The following ARHGAP6 variants were observed in gnomAD, a reference collection of about 807,000 sequenced individuals.
The protein encoded by ARHGAP6 is Rho GTPase activating protein 6, also known as rho GTPase-activating protein 6.
A neutral mutation model predicts 55.7 loss-of-function variants in ARHGAP6; 16 were observed. The ratio of observed to expected loss-of-function variants is 0.29; its 90% CI spans 0.19 to 0.44. ARHGAP6 has a LOEUF of 0.44. Ranked by LOEUF, ARHGAP6 falls within the 20% of genes least tolerant of loss-of-function variation. The pLI is 1.00. For missense variants in ARHGAP6, 698 were observed against 808.9 expected (o/e 0.86, Z 1.66); for synonymous variants, 382 against 360.9 (o/e 1.06, Z -0.66).
intron 1 of ARHGAP6, among the ~76,000 whole-genome samples, chrX:11,300,342 T>G: frequency 9.0e-6 from 1 of 111,529 alleles, no homozygotes; most frequent in Non-Finnish European, 1.9e-5. Flanking sequence ...GAGCCTGACA[T>G]GCAAGACGTA....
intron 1 of ARHGAP6, among the ~76,000 whole-genome samples, chrX:11,359,526 T>C (rs1261446081): frequency 1.8e-5 from 2 of 112,149 alleles, no homozygotes; most frequent in Admixed American, 9.5e-5. Flanking sequence ...GCTAAAAATG[T>C]GTATCAGTAC....
At chrX:11,289,092 A>AC (rs771588109) in intron 1 of ARHGAP6, among the ~76,000 whole-genome samples, 1 of 112,308 alleles carries the variant, frequency 8.9e-6, no homozygotes, top group Non-Finnish European at 1.9e-5. Flanking sequence ...AAATTGTTCC[A>AC]CCTGATATTT....
intron 1 of ARHGAP6, among the ~76,000 whole-genome samples, chrX:11,426,264 G>A (rs1273207224): frequency 1.8e-5 from 2 of 111,390 alleles, no homozygotes; most frequent in East Asian, 5.6e-4. Context: ...ATTAATCCAG[G>A]AGCCCCGAGG....
chrX:11,375,441 T>C (rs2049189828), intron 1 of ARHGAP6, among the ~76,000 whole-genome samples: 1 of 112,485 alleles, frequency 8.9e-6, no homozygotes, highest in African/African-American at 3.2e-5. Flanking sequence ...CAAAAAGAAC[T>C]TCATCTATCC....
intron 1 of ARHGAP6, among the ~76,000 whole-genome samples, chrX:11,261,459 G>C (rs2088845188): frequency 1.8e-5 from 2 of 111,641 alleles, no homozygotes; most frequent in African/African-American, 6.5e-5. Context: ...GCATGGTCCA[G>C]ACCAGCATTT....
chrX:11,302,496 T>C (rs1202114153), intron 1 of ARHGAP6, among the ~76,000 whole-genome samples: 1 of 111,520 alleles, frequency 9.0e-6, no homozygotes, highest in African/African-American at 3.3e-5. Flanking sequence ...CTAAAATGGT[T>C]TCCCCTCTAG....
intron 1 of ARHGAP6, among the ~76,000 whole-genome samples, chrX:11,496,682 A>T (rs775877422): frequency 8.9e-6 from 1 of 112,371 alleles, no homozygotes; most frequent in Non-Finnish European, 1.9e-5. Context: ...GTTGGACCCA[A>T]GTCTTCATTT....
At chrX:11,630,484 G>C (rs1055100964) in intron 1 of ARHGAP6, among the ~76,000 whole-genome samples, 2 of 112,042 alleles carry the variant, frequency 1.8e-5, no homozygotes, top group African/African-American at 6.5e-5. Flanking sequence ...AGTTCTGTCA[G>C]GTCAAAAAGA....
intron 1 of ARHGAP6, among the ~76,000 whole-genome samples, chrX:11,290,648 AAAG>A (rs1447579576): frequency 1.8e-5 from 2 of 111,672 alleles, no homozygotes; most frequent in African/African-American, 3.3e-5. Context: ...GGATGCTTTA[AAAG>A]AAGGCTCAAG....
At chrX:11,246,710 T>C (rs968190212) in intron 2 of ARHGAP6, among the ~76,000 whole-genome samples, 9 of 111,950 alleles carry the variant, frequency 8.0e-5, no homozygotes, top group East Asian at 5.6e-4. Context: ...GAGACCTTTG[T>C]TGAGGGCCTC....
intron 1 of ARHGAP6, among the ~76,000 whole-genome samples, chrX:11,345,898 T>C (rs1027624930): frequency 9.0e-6 from 1 of 111,404 alleles, no homozygotes; most frequent in Non-Finnish European, 1.9e-5. Flanking sequence ...TTCTCTCTAA[T>C]AGAACCAATA....
intron 8 of ARHGAP6, among the ~76,000 whole-genome samples, chrX:11,177,327 G>C (rs1165949663): frequency 1.1e-5 from 1 of 92,485 alleles, no homozygotes; most frequent in East Asian, 4.2e-4. Context: ...ATATATGAGT[G>C]TAACCAAAGA....
chrX:11,232,618 G>A (rs941711850), intron 2 of ARHGAP6, among the ~76,000 whole-genome samples: 5 of 111,533 alleles, frequency 4.5e-5, no homozygotes, highest in Non-Finnish European at 9.4e-5. Context: ...GGGCGACAGA[G>A]GGAGACTCCA....
At position 11,276,035 on chromosome X, in the gene ARHGAP6, C is replaced by T. The variant is rs1332813844; in HGVS notation, c.589-21328G>A. On this transcript the variant is annotated intron_variant, in intron 1 of 12. Coordinates refer to ENST00000337414, the MANE Select transcript of ARHGAP6 (RefSeq NM_013427.3). ...TTCACCTTATGTTTGTTAAAGAAGGCGAATCTGCTTCTTTCAAGGTTCCAA... is the reference window on the plus strand; with the variant it reads ...TTCACCTTATGTTTGTTAAAGAAGGTGAATCTGCTTCTTTCAAGGTTCCAA... Among the ~76,000 whole-genome samples, 9 of 111,756 alleles carry T rather than the reference C, an allele frequency of 8.1e-5. No individual in the cohort carries two copies. The East Asian group carries it at 8.5e-4, about 11-fold the overall frequency.
At chrX:11,273,277 G>A (rs956850213) in intron 1 of ARHGAP6, among the ~76,000 whole-genome samples, 2 of 110,619 alleles carry the variant, frequency 1.8e-5, no homozygotes, top group African/African-American at 6.5e-5. Context: ...CAATTATATG[G>A]TAATCTGATT....
intron 1 of ARHGAP6, among the ~76,000 whole-genome samples, chrX:11,262,910 A>C (rs766247627): frequency 9.0e-6 from 1 of 111,354 alleles, no homozygotes; most frequent in East Asian, 2.8e-4. Context: ...TTGTAGGGAT[A>C]ATATCAGACA....
At chrX:11,361,185 C>T (rs1367776755) in intron 1 of ARHGAP6, among the ~76,000 whole-genome samples, 29 of 107,557 alleles carry the variant, frequency 2.7e-4, no homozygotes, top group Non-Finnish European at 4.6e-4. Context: ...AAAAAGAGCC[C>T]GCATCGCCAA....
chrX:11,540,271 A>AG (rs1241286439), intron 1 of ARHGAP6, among the ~76,000 whole-genome samples: 4 of 107,112 alleles, frequency 3.7e-5, no homozygotes, highest in African/African-American at 1.4e-4. Context: ...AAAAAGGAAA[A>AG]GAAAAAAAAA....
intron 1 of ARHGAP6, among the ~76,000 whole-genome samples, chrX:11,641,057 T>A (rs1180784799): frequency 2.0e-5 from 2 of 98,420 alleles, no homozygotes; most frequent in Non-Finnish European, 4.1e-5. Flanking sequence ...AACCCATTTT[T>A]TTTTTCTGGA....
Sources: allele counts gnomAD v4.1 joint callset (sites outside exome capture counted in the v4.1 genomes callset), GRCh38; gene constraint gnomAD v4.1.1; transcripts MANE v1.5; gene names NCBI Gene and HGNC (gene_info 2026-07-23, HGNC 2026-07-21).